SPON1: variants seen among roughly 807,000 people sequenced by gnomAD.
SPON1 encodes spondin 1.
A neutral mutation model predicts 111.7 loss-of-function variants in SPON1; 52 were observed. The observed-to-expected ratio is 0.47, with a 90% CI of 0.37 to 0.59. The LOEUF (loss-of-function observed/expected upper bound fraction) is 0.59, where lower values mean the gene tolerates loss of function less well. Ranked by LOEUF, SPON1 falls within the 20% of genes least tolerant of loss-of-function variation. The pLI is 0.00. For synonymous variants in SPON1, 410 were observed against 395.8 expected, an observed-to-expected ratio of 1.04 and a Z score of -0.43; for missense variants, 957 against 1,068.5, an observed-to-expected ratio of 0.90 and a Z score of 1.46.
intron 5 of SPON1, among the ~76,000 whole-genome samples, chr11:14,129,375 T>C (rs968735337): frequency 6.6e-6 from 1 of 152,200 alleles, no homozygotes; most frequent in Non-Finnish European, 1.5e-5. Flanking sequence ...CTCTTTCAAG[T>C]TGAAAGTTCC....
In SPON1 at chr11:14,268,114, C is replaced by T. The variant is rs538054895; in HGVS notation, c.*2427C>T. 1.2e-4 allele frequency among the ~76,000 whole-genome samples: 19 copies of T among 152,208 alleles called. No homozygotes were observed. The South Asian group carries it at 3.9e-3, about 32-fold the overall frequency. ...GACCCAGAACTGAAAAAATAAACAT[C>T]GTGCTGTTTTTAATTTGAACTTTGC... On this transcript the variant is annotated 3_prime_UTR_variant, in exon 16 of 16. Transcript: ENST00000576479.
intron 2 of SPON1, among the ~76,000 whole-genome samples, chr11:14,030,742 T>G (rs1848553146): frequency 6.6e-6 from 1 of 152,182 alleles, no homozygotes; most frequent in African/African-American, 2.4e-5. Flanking sequence ...AGGGAACACT[T>G]GTACACTGTA....
chr11:14,003,631 C>A (rs1372587188), intron 2 of SPON1, among the ~76,000 whole-genome samples: 1 of 152,048 alleles, frequency 6.6e-6, no homozygotes, highest in Non-Finnish European at 1.5e-5. Context: ...AGCGGGAGAG[C>A]TGAAGGGACC....
chr11:14,086,938 G>A (rs1849011426), intron 5 of SPON1, among the ~76,000 whole-genome samples: 2 of 152,170 alleles, frequency 1.3e-5, no homozygotes, highest in Admixed American at 1.3e-4. Flanking sequence ...TTGTGTAGAG[G>A]TGTTTATAGT....
chr11:14,056,441 A>C (rs1218694045), intron 3 of SPON1, among the ~76,000 whole-genome samples: 5 of 152,066 alleles, frequency 3.3e-5, no homozygotes, highest in Non-Finnish European at 4.4e-5. Flanking sequence ...GTCGTTTTTC[A>C]AGCTTCAAAA....
intron 5 of SPON1, among the ~76,000 whole-genome samples, chr11:14,083,669 A>G (rs782361159): frequency 6.6e-6 from 1 of 152,250 alleles, no homozygotes; most frequent in Non-Finnish European, 1.5e-5. Flanking sequence ...GAAAAGCCAT[A>G]TCCATTAATA....
At chr11:13,978,636 A>T (rs1158803572) in intron 1 of SPON1, among the ~76,000 whole-genome samples, 3 of 152,114 alleles carry the variant, frequency 2.0e-5, no homozygotes, top group Non-Finnish European at 4.4e-5. Flanking sequence ...GGTATTTTTA[A>T]TTTCAGTAGG....
intron 6 of SPON1, among the ~76,000 whole-genome samples, chr11:14,222,894 C>G (rs1554937723): frequency 1.3e-5 from 2 of 152,166 alleles, no homozygotes; most frequent in East Asian, 3.9e-4. Context: ...AATTAACATT[C>G]CTTAGACAGA....
chr11:14,231,399 C>T (rs1848801207), intron 6 of SPON1, among the ~76,000 whole-genome samples: 1 of 152,198 alleles, frequency 6.6e-6, no homozygotes, highest in Non-Finnish European at 1.5e-5. Context: ...TCCCAAAGTG[C>T]TGGGATTACA....
At chr11:14,154,383 A>G (rs374429365) in intron 6 of SPON1, among the ~76,000 whole-genome samples, 1 of 152,290 alleles carries the variant, frequency 6.6e-6, no homozygotes, top group East Asian at 1.9e-4. Flanking sequence ...CAGGCTTAAC[A>G]CTGTGTGGAA....
intron 6 of SPON1, among the ~76,000 whole-genome samples, chr11:14,215,804 A>G (rs1336824103): frequency 6.6e-6 from 1 of 152,242 alleles, no homozygotes; most frequent in East Asian, 1.9e-4. Flanking sequence ...GGTGAGCAAC[A>G]CAGGCTGGTG....
At chr11:14,122,214 G>A (rs113811511) in intron 5 of SPON1, among the ~76,000 whole-genome samples, 3,310 of 151,862 alleles carry the variant, frequency 0.022, 121 homozygotes, top group African/African-American at 0.075. Flanking sequence ...TTGCTCTGTC[G>A]CCCAGGCTGG....
chr11:14,050,509 A>G (rs782014686), intron 3 of SPON1, among the ~76,000 whole-genome samples: 1 of 152,252 alleles, frequency 6.6e-6, no homozygotes, highest in Non-Finnish European at 1.5e-5. Flanking sequence ...GGCCCTTTAT[A>G]GAAAAAGTTT....
chr11:14,166,281 T>C (rs1848028677), intron 6 of SPON1, among the ~76,000 whole-genome samples: 1 of 152,220 alleles, frequency 6.6e-6, no homozygotes, highest in South Asian at 2.1e-4. Flanking sequence ...ATGCCATAAA[T>C]TGAGAATATT....
chr11:13,977,523 TGTTGA>T (rs1238413734), intron 1 of SPON1, among the ~76,000 whole-genome samples: 5 of 152,208 alleles, frequency 3.3e-5, no homozygotes, highest in Admixed American at 1.3e-4. Flanking sequence ...ATTTTTCTTC[TGTTGA>T]GTTGTCTGTC....
intron 5 of SPON1, among the ~76,000 whole-genome samples, chr11:14,116,412 G>A (rs1554926009): frequency 6.6e-6 from 1 of 152,042 alleles, no homozygotes; most frequent in Non-Finnish European, 1.5e-5. Flanking sequence ...TTGAATTTGT[G>A]TATGGTGTGA....
intron 2 of SPON1, among the ~76,000 whole-genome samples, chr11:13,988,055 T>G (rs1554910653): frequency 6.6e-6 from 1 of 152,202 alleles, no homozygotes; most frequent in Non-Finnish European, 1.5e-5. Context: ...TGGCTCCATA[T>G]GAAGTTTAAA....
intron 6 of SPON1, among the ~76,000 whole-genome samples, chr11:14,193,546 C>G (rs1260163297): frequency 2.0e-5 from 3 of 152,120 alleles, no homozygotes; most frequent in Non-Finnish European, 4.4e-5. Context: ...CTTTATGTGA[C>G]CTTAAAGTGC....
chr11:13,998,720 T>G (rs1564882678), intron 2 of SPON1, among the ~76,000 whole-genome samples: 1 of 152,218 alleles, frequency 6.6e-6, no homozygotes, highest in Admixed American at 6.5e-5. Context: ...TGATAAGTGC[T>G]TTCCAAATTG....
Sources: gnomAD v4.1 joint callset for allele counts (sites outside exome capture counted in the v4.1 genomes callset) on GRCh38, gnomAD v4.1.1 for gene constraint, MANE v1.5 for transcripts, NCBI Gene and HGNC (gene_info 2026-07-23, HGNC 2026-07-21) for gene names.